THRB: variants seen among roughly 807,000 people sequenced by gnomAD.
THRB encodes the protein thyroid hormone receptor beta, also known as nuclear receptor subfamily 1 group A member 2.
Under a neutral mutation model 47.8 loss-of-function variants are expected in THRB, and 12 were observed. That is an observed-to-expected ratio of 0.25 (90% CI 0.16 to 0.41). The LOEUF is 0.41. Ranked by LOEUF, THRB falls within the 10% of genes least tolerant of loss-of-function variation. The pLI, the probability that THRB is intolerant of heterozygous loss-of-function variation, is 1.00. For missense variants in THRB, 348 were observed against 589.2 expected, an observed-to-expected ratio of 0.59 and a Z score of 4.24; for synonymous variants, 218 against 212.2, an observed-to-expected ratio of 1.03 and a Z score of -0.24.
At chr3:24,306,178 G>A (rs2057324624) in intron 2 of THRB, among the ~76,000 whole-genome samples, 1 of 152,126 alleles carries the variant, frequency 6.6e-6, no homozygotes, top group South Asian at 2.1e-4. Context: ...GGTTTGCTTT[G>A]GCATGCAGAA....
At chr3:24,240,720 A>G (rs760931816) in intron 3 of THRB, among the ~76,000 whole-genome samples, 13 of 152,150 alleles carry the variant, frequency 8.5e-5, no homozygotes, top group Admixed American at 1.3e-4. Flanking sequence ...GTTAAAACCA[A>G]TTGCTGGGCT....
At chr3:24,465,436 T>A (rs1401908215) in intron 1 of THRB, among the ~76,000 whole-genome samples, 1 of 152,202 alleles carries the variant, frequency 6.6e-6, no homozygotes, top group African/African-American at 2.4e-5. Context: ...TGAGTCTCCC[T>A]CCGTTGCCTA....
intron 4 of THRB, among the ~76,000 whole-genome samples, chr3:24,197,580 A>C (rs1316594006): frequency 6.6e-6 from 1 of 152,250 alleles, no homozygotes; most frequent in Non-Finnish European, 1.5e-5. Flanking sequence ...CACAGGTCTA[A>C]GCACAATGCT....
At chr3:24,467,720 A>T (rs1310734376) in intron 1 of THRB, among the ~76,000 whole-genome samples, 1 of 152,200 alleles carries the variant, frequency 6.6e-6, no homozygotes, top group Non-Finnish European at 1.5e-5. Context: ...AATATTCAGC[A>T]AACTAGGCTG....
intron 2 of THRB, among the ~76,000 whole-genome samples, chr3:24,334,410 A>G (rs1173333550): frequency 1.3e-5 from 2 of 152,252 alleles, no homozygotes; most frequent in Non-Finnish European, 2.9e-5. Flanking sequence ...AAGAATTTGA[A>G]TTTGATGAAT....
At chr3:24,285,160 T>C (rs966520591) in intron 3 of THRB, among the ~76,000 whole-genome samples, 22 of 149,416 alleles carry the variant, frequency 1.5e-4, no homozygotes, top group African/African-American at 5.2e-4. Flanking sequence ...TTATTCACAA[T>C]AGCAAAGACT....
chr3:24,420,170 CAT>C (rs771285308), intron 1 of THRB, among the ~76,000 whole-genome samples: 79 of 152,028 alleles, frequency 5.2e-4, no homozygotes, highest in Middle Eastern at 3.4e-3. Flanking sequence ...TTCTCTTACA[CAT>C]GTTACCTCAG....
At chr3:24,206,371 G>A (rs2045356175) in intron 4 of THRB, among the ~76,000 whole-genome samples, 1 of 152,132 alleles carries the variant, frequency 6.6e-6, no homozygotes, top group Non-Finnish European at 1.5e-5. Context: ...TCAACTACAT[G>A]GAAACTGAAC....
intron 1 of THRB, among the ~76,000 whole-genome samples, chr3:24,343,803 T>C (rs1211597760): frequency 4.6e-5 from 7 of 151,754 alleles, no homozygotes; most frequent in African/African-American, 7.3e-5. Context: ...AGAGCTAGTA[T>C]TTTTATTAAT....
At chr3:24,426,564 C>T (rs2217883) in intron 1 of THRB, among the ~76,000 whole-genome samples, 59,143 of 151,702 alleles carry the variant, frequency 0.39, 13,748 homozygotes, top group East Asian at 0.52. Flanking sequence ...GCAGACAAGC[C>T]ATAAAAATAG....
chr3:24,436,375 G>A (rs532198427), intron 1 of THRB, among the ~76,000 whole-genome samples: 1 of 152,046 alleles, frequency 6.6e-6, no homozygotes, highest in East Asian at 1.9e-4. Context: ...GTTTACAAAC[G>A]CACAGCAGTA....
chr3:24,130,510 G>T (rs1355933076), intron 9 of THRB, among the ~76,000 whole-genome samples: 2 of 152,110 alleles, frequency 1.3e-5, no homozygotes, highest in Non-Finnish European at 2.9e-5. Flanking sequence ...GGCTAGAGTT[G>T]TAGGGGTGAC....
At chr3:24,421,061 A>T (rs1334257394) in intron 1 of THRB, among the ~76,000 whole-genome samples, 1 of 151,972 alleles carries the variant, frequency 6.6e-6, no homozygotes, top group Non-Finnish European at 1.5e-5. Context: ...AGATGGATGG[A>T]GCTGGAGGCT....
chr3:24,470,373 C>T (rs2074470975), intron 1 of THRB, among the ~76,000 whole-genome samples: 1 of 152,176 alleles, frequency 6.6e-6, no homozygotes, highest in Non-Finnish European at 1.5e-5. Flanking sequence ...TATTTAAGAA[C>T]TTACACTTCA....
intron 4 of THRB, among the ~76,000 whole-genome samples, chr3:24,217,590 C>T (rs781105369): frequency 4.3e-4 from 66 of 151,840 alleles, no homozygotes; most frequent in Admixed American, 3.9e-4. Context: ...CAATTTGACA[C>T]CAAGCAAGTA....
chr3:24,355,606 G>A lies in THRB; in HGVS notation c.-260-18235C>T, dbSNP rs573193294. Among the ~76,000 whole-genome samples the A allele has an allele frequency of 2.0e-5, 3 of 152,252 alleles. No individual in the cohort carries two copies. The East Asian group carries it at 5.8e-4, about 29-fold the overall frequency. The stretch of plus-strand genomic sequence containing the variant: ...GAATGAGGGCATAAAAGACAGTAAG[G>A]TGGCTGACAGAGACTTAGTAGTATA... On this transcript the variant is annotated intron_variant, in intron 1 of 10. Coordinates refer to ENST00000646209, the MANE Select transcript of THRB (RefSeq NM_001354712.2).
intron 1 of THRB, among the ~76,000 whole-genome samples, chr3:24,350,137 T>C (rs1393956601): frequency 6.6e-6 from 1 of 152,088 alleles, no homozygotes; most frequent in African/African-American, 2.4e-5. Flanking sequence ...TCATTATTTA[T>C]CAGGAGAGTG....
At chr3:24,418,984 C>A (rs539688080) in intron 1 of THRB, among the ~76,000 whole-genome samples, 35 of 151,992 alleles carry the variant, frequency 2.3e-4, no homozygotes, top group East Asian at 2.0e-4. Context: ...TATCACCCCC[C>A]ATACCTGCAG....
At chr3:24,426,565 A>G (rs2069782997) in intron 1 of THRB, among the ~76,000 whole-genome samples, 2 of 152,052 alleles carry the variant, frequency 1.3e-5, no homozygotes, top group South Asian at 4.1e-4. Flanking sequence ...CAGACAAGCC[A>G]TAAAAATAGT....
Sources: allele counts gnomAD v4.1 joint callset (sites outside exome capture counted in the v4.1 genomes callset), GRCh38; gene constraint gnomAD v4.1.1; transcripts MANE v1.5; gene names NCBI Gene and HGNC (gene_info 2026-07-23, HGNC 2026-07-21).